Variants in APOBEC3D observed in about 807,000 individuals in gnomAD.
APOBEC3D encodes DNA dC->dU-editing enzyme APOBEC-3D.
Under a neutral mutation model 45.6 loss-of-function variants are expected in APOBEC3D, and 37 were observed. The ratio of observed to expected loss-of-function variants is 0.81; its 90% CI spans 0.62 to 1.07. The LOEUF is 1.07. APOBEC3D is among the 50% of genes least tolerant of loss of function. The probability of loss-of-function intolerance (pLI) is 0.00; values close to 1 mark genes in which losing one functional copy is unlikely to be tolerated. For synonymous variants in APOBEC3D, 175 were observed against 180.7 expected, an observed-to-expected ratio of 0.97 and a Z score of 0.25; for missense variants, 496 against 495.3, an observed-to-expected ratio of 1.00 and a Z score of -0.01.
In APOBEC3D at chr22:39,031,853, A is replaced by T; in HGVS notation, c.922A>T (p.Ser308Cys). 2.5e-6 allele frequency: 4 copies of T among 1,614,192 alleles called. No homozygotes were observed. The highest frequency in any genetic ancestry group is 3.4e-6 in the Non-Finnish European group (4 of 1,180,036). ...GEVAEFLARH[S>C]NVNLTIFTAR... ...GGTGGCCGAGTTCCTGGCCAGGCACAGCAACGTGAATCTCACCATCTTCAC... is the reference window on the plus strand; with the variant it reads ...GGTGGCCGAGTTCCTGGCCAGGCACTGCAACGTGAATCTCACCATCTTCAC... The change falls in exon 6 of 7, where the codon AGC (serine) becomes TGC (cysteine). Residue 308 changes from serine (S) to cysteine (C), a missense_variant. By Grantham distance (112) the Ser-to-Cys change is moderately radical. Transcript: ENST00000216099.
intron 5 of APOBEC3D, among the ~76,000 whole-genome samples, chr22:39,031,082 C>T (rs1926169021): frequency 6.6e-6 from 1 of 152,078 alleles, no homozygotes; most frequent in Non-Finnish European, 1.5e-5. Context: ...AAGAGAATCG[C>T]TTGAACCCAA....
At position 39,025,655 on chromosome 22, in the gene APOBEC3D, C is replaced by T; in HGVS notation, c.589C>T (p.Leu197=). 1 of 1,614,136 alleles carries T rather than the reference C, an allele frequency of 6.2e-7. No homozygotes were observed. The highest frequency in any genetic ancestry group is 1.7e-5 in the Admixed American group (1 of 60,020). Reference sequence around the variant, plus strand: ...CAATTATGCATCCCTGCACCGCACGCTAAAGGAGATTCTCAGGTGAGGGTC... The same window carrying T: ...CAATTATGCATCCCTGCACCGCACGTTAAAGGAGATTCTCAGGTGAGGGTC... ...DDNYASLHRT[L]KEILRNPMEA... is the part of the protein sequence containing the mutation. The change falls in exon 4 of 7, where the codon CTA becomes TTA. Residue 197 remains leucine, a synonymous_variant. Transcript: ENST00000216099.
At chr22:39,022,307 A>G (rs1925197544) in intron 1 of APOBEC3D, among the ~76,000 whole-genome samples, 2 of 151,586 alleles carry the variant, frequency 1.3e-5, no homozygotes, top group African/African-American at 4.9e-5. Flanking sequence ...TGTGCCTCTG[A>G]CCCCTCCTCT....
chr22:39,023,978 C>T (rs186787707), intron 2 of APOBEC3D, among the ~76,000 whole-genome samples: 410 of 152,136 alleles, frequency 2.7e-3, no homozygotes, highest in Middle Eastern at 0.017. Flanking sequence ...GGGAGGGAGT[C>T]GTCTGTATGC....
chr22:39,031,011 C>T (rs541733869), intron 5 of APOBEC3D, among the ~76,000 whole-genome samples: 1 of 152,158 alleles, frequency 6.6e-6, no homozygotes, highest in East Asian at 1.9e-4. Context: ...ACTAAAACTA[C>T]AAAAATTAGC....
Position 39,021,353 on chromosome 22 carries a change from G to A in APOBEC3D, c.-167G>A, listed in dbSNP as rs1219243935. On this transcript the variant is annotated 5_prime_UTR_variant, in exon 1 of 7. Coordinates refer to ENST00000216099, the MANE Select transcript of APOBEC3D (RefSeq NM_152426.4). Reference sequence around the variant, plus strand: ...GAACTCCTGACCTCGTGATCCGCCCGCCTCGGCCTCCCAAAGTGCTGGGAT... The same window carrying A: ...GAACTCCTGACCTCGTGATCCGCCCACCTCGGCCTCCCAAAGTGCTGGGAT... The A allele has an allele frequency of 1.1e-5, 9 of 804,536 alleles. No homozygotes were observed. The highest frequency in any genetic ancestry group is 2.2e-5 in the Admixed American group (1 of 45,482). 49.8% of individuals were successfully genotyped at this position (804,536 alleles called of 1,614,324 possible). A position where few individuals can be genotyped will look rare whatever the true frequency, so the allele number is the denominator to read the frequency against.
rs1448251178 is a variant in APOBEC3D, at chr22:39,032,756, CTAATT to C, written c.*442_*446del. The C allele has an allele frequency of 3.4e-4, 64 of 187,656 alleles. 1 individual carries two copies. Among genetic ancestry groups the C allele is most frequent in the African/African-American group, 1.8e-3 (62 of 33,978 alleles). 11.6% of individuals were successfully genotyped at this position (187,656 alleles called of 1,614,324 possible). A position where few individuals can be genotyped will look rare whatever the true frequency, so the allele number is the denominator to read the frequency against. ...TACAGATGCCTGCCACCACGCCCAG[CTAATT>C]TTTTTTTTTTTTTTTTTTTTTTTTT... On this transcript the variant is annotated 3_prime_UTR_variant, in exon 7 of 7. Transcript: ENST00000216099.
At position 39,021,497 on chromosome 22, in the gene APOBEC3D, C is replaced by T; in HGVS notation, c.-23C>T. The T allele has an allele frequency of 6.2e-7, 1 of 1,614,178 alleles. No individual in the cohort carries two copies. Among genetic ancestry groups the T allele is most frequent in the African/African-American group, 1.3e-5 (1 of 75,054 alleles). ...CTTCAAAAAAAGAGGGAGACTGGGACAAGCGTATCTAAGAGGCTGAACATG... is the reference window on the plus strand; with the variant it reads ...CTTCAAAAAAAGAGGGAGACTGGGATAAGCGTATCTAAGAGGCTGAACATG... On this transcript the variant is annotated 5_prime_UTR_variant, in exon 1 of 7. Coordinates refer to ENST00000216099, the MANE Select transcript of APOBEC3D (RefSeq NM_152426.4).
chr22:39,029,084 G>C (rs550301108), intron 4 of APOBEC3D, among the ~76,000 whole-genome samples: 1 of 152,312 alleles, frequency 6.6e-6, no homozygotes, highest in East Asian at 1.9e-4. Context: ...CTAATGGGTT[G>C]GGAGATGTGT....
At chr22:39,026,979 A>G (rs572305991) in intron 4 of APOBEC3D, among the ~76,000 whole-genome samples, 19 of 152,092 alleles carry the variant, frequency 1.2e-4, no homozygotes, top group African/African-American at 4.1e-4. Flanking sequence ...GTAAGATTTT[A>G]CAAAAGAGTA....
intron 2 of APOBEC3D, 43 bp downstream of exon 2, chr22:39,023,057 G>A (rs746201451): frequency 1.4e-6 from 2 of 1,470,414 alleles, no homozygotes; most frequent in Non-Finnish European, 1.8e-6. Context: ...TAAAATGTCT[G>A]GCGGCGGGCT....
intron 4 of APOBEC3D, among the ~76,000 whole-genome samples, chr22:39,026,116 C>T (rs1231971208): frequency 1.3e-5 from 2 of 152,216 alleles, no homozygotes; most frequent in South Asian, 4.1e-4. Context: ...TTCAGGCTTC[C>T]GCGGCCATAG....
Position 39,025,541 on chromosome 22 carries a change from C to T in APOBEC3D, c.491-16C>T, listed in dbSNP as rs747068569. On this transcript the variant is annotated splice_polypyrimidine_tract_variant and intron_variant, in intron 3 of 6. Coordinates refer to ENST00000216099, the MANE Select transcript of APOBEC3D (RefSeq NM_152426.4). ...GTCAGGGGAGAGCCTGAGTGCTTCC[C>T]ACCTCTTCATCTCAGACTTTGCATA... is the stretch of plus-strand genomic sequence containing the variant. The T allele has an allele frequency of 1.5e-5, 24 of 1,613,988 alleles. No individual in the cohort carries two copies. The highest frequency in any genetic ancestry group is 2.2e-5 in the South Asian group (2 of 91,082).
intron 2 of APOBEC3D, 139 bp from the exon 3 acceptor site, chr22:39,024,931 A>T: frequency 1.2e-6 from 1 of 860,994 alleles, no homozygotes; most frequent in Non-Finnish European, 1.8e-6. Flanking sequence ...CACTCAAACC[A>T]AACAGGGGGG....
chr22:39,030,757 C>T (rs958837992), intron 5 of APOBEC3D, among the ~76,000 whole-genome samples: 7 of 152,126 alleles, frequency 4.6e-5, no homozygotes, highest in South Asian at 2.1e-4. Context: ...CAGGCCACAG[C>T]AGGGGCTGAG....
chr22:39,023,326 G>A (rs942467692), intron 2 of APOBEC3D, among the ~76,000 whole-genome samples: 2 of 151,994 alleles, frequency 1.3e-5, no homozygotes, highest in African/African-American at 2.4e-5. Context: ...GTGTTGAGCA[G>A]GCTGGTCTGG....
intron 1 of APOBEC3D, among the ~76,000 whole-genome samples, 199 bp from the exon 2 acceptor site, chr22:39,022,623 C>T (rs1925229830): frequency 1.3e-5 from 2 of 152,146 alleles, no homozygotes; most frequent in African/African-American, 2.4e-5. Flanking sequence ...TGGGAGAGAT[C>T]ACCCCAGCCC....
chr22:39,030,831 G>A (rs1041227070), intron 5 of APOBEC3D, among the ~76,000 whole-genome samples: 17 of 152,312 alleles, frequency 1.1e-4, no homozygotes, highest in African/African-American at 4.1e-4. Context: ...GGCATGATGA[G>A]ACAGGAAAAG....
intron 4 of APOBEC3D, among the ~76,000 whole-genome samples, chr22:39,026,210 G>C (rs1173277411): frequency 6.6e-6 from 1 of 152,142 alleles, no homozygotes; most frequent in Non-Finnish European, 1.5e-5. Context: ...GTGGAGGGGT[G>C]GGTGGGGTTG....
Sources: gnomAD v4.1 joint callset for allele counts (sites outside exome capture counted in the v4.1 genomes callset) on GRCh38, gnomAD v4.1.1 for gene constraint, MANE v1.5 for transcripts, NCBI Gene and HGNC (gene_info 2026-07-23, HGNC 2026-07-21) for gene names.